RBM47: variants seen among roughly 807,000 people sequenced by gnomAD.
RBM47 encodes the protein RNA-binding protein 47.
Under a neutral mutation model 47.1 loss-of-function variants are expected in RBM47, and 21 were observed. The observed-to-expected ratio is 0.45, with a 90% CI of 0.32 to 0.64. The LOEUF is 0.64. Ranked by LOEUF, RBM47 falls within the 30% of genes least tolerant of loss-of-function variation. RBM47 has a pLI of 0.05. For missense variants in RBM47, 708 were observed against 870.9 expected (o/e 0.81, Z 2.35); for synonymous variants, 375 against 361.7 (o/e 1.04, Z -0.42).
intron 1 of RBM47, among the ~76,000 whole-genome samples, chr4:40,616,915 G>A (rs577742525): frequency 9.6e-5 from 12 of 124,460 alleles, no homozygotes; most frequent in South Asian, 2.4e-4. Context: ...TTGCTCTGTC[G>A]CCCAGGCTGG....
chr4:40,549,600 G>A (rs1729362565), intron 1 of RBM47, among the ~76,000 whole-genome samples: 1 of 145,484 alleles, frequency 6.9e-6, no homozygotes, highest in South Asian at 2.2e-4. Context: ...TCGGCTCACT[G>A]CAACCTACGC....
chr4:40,534,555 G>A (rs1727731604), intron 2 of RBM47, among the ~76,000 whole-genome samples: 1 of 152,150 alleles, frequency 6.6e-6, no homozygotes, highest in Admixed American at 6.6e-5. Context: ...CTGTGAGTTA[G>A]CGAACTCCTG....
At chr4:40,529,515 CAAAAAAAAAAAA>C (rs56381747) in intron 2 of RBM47, among the ~76,000 whole-genome samples, 71 of 18,334 alleles carry the variant, frequency 3.9e-3, no homozygotes, top group African/African-American at 4.9e-3. Context: ...GACTCTGTCA[CAAAAAAAAAAAA>C]AAAAAAAAAA....
chr4:40,572,664 C>T (rs1002389824), intron 1 of RBM47, among the ~76,000 whole-genome samples: 2 of 151,242 alleles, frequency 1.3e-5, no homozygotes, highest in South Asian at 2.1e-4. Flanking sequence ...TTTGGGAGAC[C>T]GAGATGGGAG....
At chr4:40,477,766 G>T (rs1393125084) in intron 2 of RBM47, among the ~76,000 whole-genome samples, 1 of 152,100 alleles carries the variant, frequency 6.6e-6, no homozygotes, top group Non-Finnish European at 1.5e-5. Context: ...TTACAATTAT[G>T]GGCTGCCCTA....
chr4:40,447,747 A>G (rs779875111), intron 3 of RBM47, among the ~76,000 whole-genome samples: 3 of 152,188 alleles, frequency 2.0e-5, no homozygotes, highest in Non-Finnish European at 4.4e-5. Context: ...GCAGTGGCTC[A>G]CGCCTATAAT....
intron 1 of RBM47, among the ~76,000 whole-genome samples, chr4:40,595,235 C>T (rs936578131): frequency 6.6e-6 from 1 of 152,222 alleles, no homozygotes; most frequent in African/African-American, 2.4e-5. Context: ...GTGGCTCATG[C>T]CTGTATTCCC....
chr4:40,522,755 GA>G (rs1473845907), intron 2 of RBM47, among the ~76,000 whole-genome samples: 3 of 149,818 alleles, frequency 2.0e-5, no homozygotes, highest in African/African-American at 7.3e-5. Context: ...AAAGAGATTT[GA>G]AAAAATATAA....
intron 1 of RBM47, among the ~76,000 whole-genome samples, chr4:40,561,536 CTTCTT>C (rs1460976411): frequency 5.1e-5 from 7 of 138,020 alleles, no homozygotes; most frequent in Non-Finnish European, 1.1e-4. Context: ...TTTTTTGCTT[CTTCTT>C]TTCTTTTTTT....
chr4:40,567,287 T>A (rs1347877013), intron 1 of RBM47, among the ~76,000 whole-genome samples: 1 of 152,030 alleles, frequency 6.6e-6, no homozygotes, highest in Non-Finnish European at 1.5e-5. Context: ...AGAGGTTACC[T>A]GTAAAATGCG....
intron 1 of RBM47, among the ~76,000 whole-genome samples, chr4:40,572,803 G>C (rs1039563363): frequency 6.6e-6 from 1 of 151,850 alleles, no homozygotes; most frequent in Admixed American, 6.6e-5. Flanking sequence ...CAATTTTCCT[G>C]TGAGCCTCCT....
intron 6 of RBM47, 134 bp from the exon 7 acceptor site, chr4:40,426,277 C>T: frequency 8.6e-7 from 1 of 1,166,642 alleles, no homozygotes; most frequent in Non-Finnish European, 1.2e-6. Flanking sequence ...GAGGGGCGGG[C>T]AAACAGCAAT....
intron 1 of RBM47, among the ~76,000 whole-genome samples, chr4:40,573,474 G>A (rs1272065410): frequency 6.6e-6 from 1 of 151,882 alleles, no homozygotes; most frequent in African/African-American, 2.4e-5. Context: ...TGGGCATAGT[G>A]GATTATGCCT....
At chr4:40,523,877 G>A (rs947780468) in intron 2 of RBM47, among the ~76,000 whole-genome samples, 6 of 137,888 alleles carry the variant, frequency 4.4e-5, no homozygotes, top group South Asian at 2.3e-4. Flanking sequence ...AAAAAAAAAA[G>A]AGGAAAAGAA....
chr4:40,545,484 T>A (rs1728942680), intron 1 of RBM47, among the ~76,000 whole-genome samples: 2 of 148,856 alleles, frequency 1.3e-5, no homozygotes, highest in Admixed American at 1.3e-4. Context: ...ACCAATATGG[T>A]GAAACCCCAT....
chr4:40,456,156 G>C (rs16852228), intron 3 of RBM47, among the ~76,000 whole-genome samples: 2,543 of 152,164 alleles, frequency 0.017, 87 homozygotes, highest in African/African-American at 0.059. Flanking sequence ...TTCCTGCACG[G>C]GAGCTTTGTG....
chr4:40,600,999 A>AAAAAAAAAAAGAAAG (rs1338188731), intron 1 of RBM47, among the ~76,000 whole-genome samples: 1 of 147,284 alleles, frequency 6.8e-6, no homozygotes, highest in African/African-American at 2.6e-5. Context: ...AAAAAAAAAA[A>AAAAAAAAAAAGAAAG]AAAGAAAGAA....
chr4:40,470,069 C>T (rs1014698779), intron 2 of RBM47, among the ~76,000 whole-genome samples: 1 of 152,200 alleles, frequency 6.6e-6, no homozygotes, highest in Admixed American at 6.5e-5. Context: ...AAGGTTAGTT[C>T]CAGTCCAAAC....
intron 1 of RBM47, among the ~76,000 whole-genome samples, chr4:40,612,148 G>C (rs560935116): frequency 6.6e-6 from 1 of 152,332 alleles, no homozygotes; most frequent in African/African-American, 2.4e-5. Flanking sequence ...TGGGGAATCT[G>C]AATGAATTAG....
Sources: gnomAD v4.1 joint callset for allele counts (sites outside exome capture counted in the v4.1 genomes callset) on GRCh38, gnomAD v4.1.1 for gene constraint, MANE v1.5 for transcripts, NCBI Gene and HGNC (gene_info 2026-07-23, HGNC 2026-07-21) for gene names.